COL21A1: variants seen among roughly 807,000 people sequenced by gnomAD.
COL21A1 encodes the protein collagen alpha-1(XXI) chain.
In COL21A1, 149 loss-of-function variants were observed where a neutral mutation model predicts 137.9. That is an observed-to-expected ratio of 1.08 (90% CI 0.95 to 1.24). The LOEUF is 1.24. Among genes scored for constraint, COL21A1 ranks in the 50% most tolerant of loss-of-function variants. The pLI is 0.00. For missense variants in COL21A1, 1,167 were observed against 1,158.4 expected (o/e 1.01, Z -0.11); for synonymous variants, 456 against 391.5 (o/e 1.16, Z -1.95).
chr6:56,079,517 A>T (rs963031858), intron 17 of COL21A1, among the ~76,000 whole-genome samples: 2 of 151,548 alleles, frequency 1.3e-5, no homozygotes, highest in Admixed American at 6.6e-5. Flanking sequence ...GTTTCCACGA[A>T]CAGCACCTTG....
chr6:56,304,368 T>C (rs1417698397), intron 1 of COL21A1, among the ~76,000 whole-genome samples: 13 of 151,934 alleles, frequency 8.6e-5, no homozygotes, highest in African/African-American at 3.1e-4. Flanking sequence ...GTCCTGGACT[T>C]TTTTTGGTTG....
In COL21A1 at chr6:56,204,666, C is replaced by A. The variant is rs115211306; in HGVS notation, c.-38-22010G>T. Among the ~76,000 whole-genome samples the A allele has an allele frequency of 9.4e-3, 1,426 of 152,280 alleles. 9 individuals are homozygous for A. Among genetic ancestry groups the A allele is most frequent in the Middle Eastern group, 0.02 (6 of 294 alleles). On this transcript the variant is annotated intron_variant, in intron 1 of 29. Transcript: ENST00000244728. ...GACTGCCTCCACAGTGGGTCCCTGACCCCCGTGTATCCTGACTGGGAGATA... is the reference window on the plus strand; with the variant it reads ...GACTGCCTCCACAGTGGGTCCCTGAACCCCGTGTATCCTGACTGGGAGATA...
At chr6:56,342,700 A>T (rs1289855018) in intron 1 of COL21A1, among the ~76,000 whole-genome samples, 1 of 152,244 alleles carries the variant, frequency 6.6e-6, no homozygotes, top group South Asian at 2.1e-4. Flanking sequence ...GAAATTCAAA[A>T]TTAATCTTGT....
chr6:56,393,208 A>C (rs986254845), intron 1 of COL21A1, among the ~76,000 whole-genome samples: 1 of 152,224 alleles, frequency 6.6e-6, no homozygotes, highest in Non-Finnish European at 1.5e-5. Context: ...ATTTATAGTC[A>C]ATTCATTTTC....
intron 1 of COL21A1, among the ~76,000 whole-genome samples, chr6:56,291,938 T>C (rs573547280): frequency 6.6e-6 from 1 of 152,226 alleles, no homozygotes; most frequent in South Asian, 2.1e-4. Flanking sequence ...GAGGCCAAGG[T>C]GGGCAGATCA....
At chr6:56,355,875 A>T (rs534727065) in intron 1 of COL21A1, among the ~76,000 whole-genome samples, 10 of 152,254 alleles carry the variant, frequency 6.6e-5, no homozygotes, top group African/African-American at 2.4e-4. Context: ...GTATGTTGCA[A>T]TTTAAAAGAA....
intron 1 of COL21A1, among the ~76,000 whole-genome samples, chr6:56,244,424 A>G (rs1247348701): frequency 6.6e-6 from 1 of 152,122 alleles, no homozygotes; most frequent in Non-Finnish European, 1.5e-5. Flanking sequence ...TTTCCCAACA[A>G]CAGGTATGCC....
At chr6:56,265,135 G>C (rs992990618) in intron 1 of COL21A1, among the ~76,000 whole-genome samples, 1 of 152,210 alleles carries the variant, frequency 6.6e-6, no homozygotes, top group Non-Finnish European at 1.5e-5. Context: ...GCAAGGCTAA[G>C]ACAGGGGCTG....
intron 1 of COL21A1, among the ~76,000 whole-genome samples, chr6:56,306,462 T>A (rs1764455690): frequency 6.6e-6 from 1 of 152,202 alleles, no homozygotes; most frequent in Admixed American, 6.5e-5. Context: ...ACTTCTCTTC[T>A]TGCTTCATTT....
chr6:56,135,203 A>G (rs748754952), intron 12 of COL21A1, among the ~76,000 whole-genome samples: 5 of 152,112 alleles, frequency 3.3e-5, no homozygotes, highest in Non-Finnish European at 7.4e-5. Flanking sequence ...AAAAACACAT[A>G]ATACAACCCA....
intron 12 of COL21A1, among the ~76,000 whole-genome samples, chr6:56,140,380 G>C (rs1195136613): frequency 2.6e-5 from 4 of 152,118 alleles, no homozygotes; most frequent in African/African-American, 9.7e-5. Flanking sequence ...AAGTCAGAAA[G>C]AAAGCACATC....
chr6:56,387,809 C>G (rs2094021050), intron 1 of COL21A1, among the ~76,000 whole-genome samples: 1 of 152,186 alleles, frequency 6.6e-6, no homozygotes, highest in Non-Finnish European at 1.5e-5. Context: ...ACTCATGGAC[C>G]TGTGGCCCAG....
intron 2 of COL21A1, among the ~76,000 whole-genome samples, chr6:56,182,151 TAAC>T (rs549499238): frequency 4.9e-3 from 751 of 152,300 alleles, no homozygotes; most frequent in Non-Finnish European, 7.2e-3. Context: ...CAAGCAATAA[TAAC>T]ATTCACTGAG....
At chr6:56,241,263 A>G (rs1782303811) in intron 1 of COL21A1, among the ~76,000 whole-genome samples, 1 of 152,194 alleles carries the variant, frequency 6.6e-6, no homozygotes, top group South Asian at 2.1e-4. Context: ...CTTTCTCTTC[A>G]TCATGAGAAA....
chr6:56,240,485 G>C (rs991623151), intron 1 of COL21A1, among the ~76,000 whole-genome samples: 2 of 152,138 alleles, frequency 1.3e-5, no homozygotes, highest in Non-Finnish European at 2.9e-5. Context: ...AGCATAAAAT[G>C]AACTGAGATA....
In COL21A1 at chr6:56,171,106, A is replaced by G; in HGVS notation, c.663T>C (p.Ile221=). 6.2e-7 allele frequency: 1 copy of G among 1,606,288 alleles called. No homozygotes were observed. The highest frequency in any genetic ancestry group is 8.5e-7 in the Non-Finnish European group (1 of 1,176,874). The stretch of plus-strand genomic sequence containing the variant: ...CCCTTTCATCACGAGCTGCCACTGG[A>G]ATTCGTGTTGGACAGACAGATTCTA... ...LCEESVCPTR[I]PVAARDERGF... Residue 221 remains isoleucine, a synonymous_variant, in exon 4 of 30, where the codon ATT becomes ATC. Coordinates refer to ENST00000244728, the MANE Select transcript of COL21A1 (RefSeq NM_030820.4).
chr6:56,382,148 C>T (rs2094009702), intron 1 of COL21A1, among the ~76,000 whole-genome samples: 1 of 152,176 alleles, frequency 6.6e-6, no homozygotes, highest in African/African-American at 2.4e-5. Context: ...GTGTCATCTA[C>T]ACAATAGTAC....
chr6:56,116,789 T>C (rs1407561726), intron 16 of COL21A1, among the ~76,000 whole-genome samples: 3 of 151,898 alleles, frequency 2.0e-5, no homozygotes, highest in African/African-American at 4.8e-5. Flanking sequence ...ATTGAAACAA[T>C]AAAAAGTTAA....
chr6:56,115,535 G>C (rs955092681), intron 16 of COL21A1, among the ~76,000 whole-genome samples: 1 of 152,114 alleles, frequency 6.6e-6, no homozygotes, highest in Non-Finnish European at 1.5e-5. Flanking sequence ...AACTGGAAAA[G>C]CTTCCCAAGA....
Sources: gnomAD v4.1 joint callset for allele counts (sites outside exome capture counted in the v4.1 genomes callset) on GRCh38, gnomAD v4.1.1 for gene constraint, MANE v1.5 for transcripts, NCBI Gene and HGNC (gene_info 2026-07-23, HGNC 2026-07-21) for gene names.